GPR55: variants seen among roughly 807,000 people sequenced by gnomAD.
GPR55 encodes G protein-coupled receptor 55.
GPR55 carries 6 observed loss-of-function variants against 7.9 expected under a neutral mutation model. The ratio of observed to expected loss-of-function variants is 0.76; its 90% CI spans 0.41 to 1.49. The LOEUF (loss-of-function observed/expected upper bound fraction) is 1.49, where lower values mean the gene tolerates loss of function less well. GPR55 is among the 40% of genes most tolerant of loss of function. GPR55 has a pLI of 0.01. For synonymous variants in GPR55, 183 were observed against 166.8 expected, an observed-to-expected ratio of 1.10 and a Z score of -0.75; for missense variants, 376 against 406.0, an observed-to-expected ratio of 0.93 and a Z score of 0.63.
chr2:230,910,558 G>T lies in GPR55; in HGVS notation c.405C>A (p.Pro135=). 1.9e-6 allele frequency: 3 copies of T among 1,613,902 alleles called. No homozygotes were observed. Among genetic ancestry groups the T allele is most frequent in the Non-Finnish European group, 2.5e-6 (3 of 1,179,792 alleles). ...YPLLVSHLRS[P]RKIFGICCTI... The stretch of plus-strand genomic sequence containing the variant: ...TGCAGCAGATCCCAAAGATCTTCCT[G>T]GGGGACCGGAGGTGGCTCACCAGTA... The change falls in exon 2 of 2, where the codon CCC becomes CCA. Residue 135 remains proline (P), a synonymous_variant. Transcript: ENST00000650999. The surrounding 1 kb of genome is among the most constrained non-coding windows in gnomAD (Gnocchi z 5.4).
intron 1 of GPR55, among the ~76,000 whole-genome samples, chr2:230,919,888 G>A (rs1690795812): frequency 6.6e-6 from 1 of 151,572 alleles, no homozygotes; most frequent in Admixed American, 6.6e-5. Context: ...TTATGTTTAT[G>A]CTGACTATGT....
chr2:230,940,816 G>C (rs969141604), intron 1 of GPR55, among the ~76,000 whole-genome samples: 6 of 152,228 alleles, frequency 3.9e-5, no homozygotes, highest in Admixed American at 3.3e-4. Flanking sequence ...CTGCAGGGAG[G>C]AATTAAGAAG....
At chr2:230,938,326 T>C (rs1689176232) in intron 1 of GPR55, among the ~76,000 whole-genome samples, 1 of 150,534 alleles carries the variant, frequency 6.6e-6, no homozygotes, top group Admixed American at 6.6e-5. Context: ...TAAAAGATGA[T>C]GTAATACCTT....
At chr2:230,929,113 A>G (rs1229922586), upstream of GPR55, among the ~76,000 whole-genome samples, 1 of 152,104 alleles carries the variant, frequency 6.6e-6, no homozygotes, top group Non-Finnish European at 1.5e-5. Context: ...TCGGCCTCCC[A>G]AAGTGCTGGG....
intron 1 of GPR55, among the ~76,000 whole-genome samples, chr2:230,939,687 G>A (rs1213502840): frequency 6.6e-6 from 1 of 152,176 alleles, no homozygotes; most frequent in Non-Finnish European, 1.5e-5. Flanking sequence ...CACTGGAGAA[G>A]GGGGAGAGCC....
At chr2:230,925,778 A>G (rs1690932215), upstream of GPR55, among the ~76,000 whole-genome samples, 1 of 152,182 alleles carries the variant, frequency 6.6e-6, no homozygotes, top group Admixed American at 6.5e-5. Context: ...TGTGTCTGCA[A>G]GAATGGTCAG....
rs377712563 is a variant in GPR55 at position 230,910,090 on chromosome 2, G to A, written c.873C>T (p.Val291=). 1 of 1,614,118 alleles carries A rather than the reference G, an allele frequency of 6.2e-7. No homozygotes were observed. The highest frequency in any genetic ancestry group is 8.5e-7 in the Non-Finnish European group (1 of 1,179,980). The change falls in exon 2 of 2, where the codon GTC becomes GTT. Residue 291 remains valine (V), a synonymous_variant. Transcript: ENST00000650999. The surrounding 1 kb of genome is among the most constrained non-coding windows in gnomAD (Gnocchi z 5.4). ...CCLDVFCYYF[V]IKEFRMNIRA... ...TGATGTTCATGCGGAATTCTTTGATGACAAAGTAGTAGCAGAAAACATCCA... is the reference window on the plus strand; with the variant it reads ...TGATGTTCATGCGGAATTCTTTGATAACAAAGTAGTAGCAGAAAACATCCA...
At chr2:230,913,564 T>G (rs566345385) in intron 1 of GPR55, among the ~76,000 whole-genome samples, 1 of 152,300 alleles carries the variant, frequency 6.6e-6, no homozygotes, top group African/African-American at 2.4e-5. Context: ...AAATACTTCC[T>G]CTTATTCAAA....
At chr2:230,940,974 G>A (rs537653725) in intron 1 of GPR55, among the ~76,000 whole-genome samples, 3,698 of 152,200 alleles carry the variant, frequency 0.024, 138 homozygotes, top group African/African-American at 0.085. Context: ...AAAATTAGCC[G>A]GACGTGGCGG....
chr2:230,926,460 G>A (rs13401155), upstream of GPR55, among the ~76,000 whole-genome samples: 25 of 152,128 alleles, frequency 1.6e-4, no homozygotes, highest in Non-Finnish European at 3.5e-4. Context: ...ACTGGGCAAG[G>A]GGGGGCAGCC....
chr2:230,920,814 A>G (rs575895121), intron 1 of GPR55, among the ~76,000 whole-genome samples: 15 of 152,096 alleles, frequency 9.9e-5, no homozygotes, highest in Non-Finnish European at 1.5e-4. Context: ...ATAATATCAC[A>G]ATATAGAAAA....
chr2:230,950,963 G>A (rs1559180255), intron 1 of GPR55, among the ~76,000 whole-genome samples: 2 of 152,128 alleles, frequency 1.3e-5, no homozygotes, highest in African/African-American at 2.4e-5. Context: ...GCACACGGAG[G>A]TTCCTGGAAG....
In GPR55 at chr2:230,907,724, C is replaced by G. The variant is rs1429746948; in HGVS notation, c.*2279G>C. The stretch of plus-strand genomic sequence containing the variant: ...CCGTCCCTCCCTACATGATCAGGTC[C>G]TCTCAGCTGTCTAGAGCCCTTTCTG... On this transcript the variant is annotated 3_prime_UTR_variant, in exon 2 of 2. Transcript: ENST00000650999. 1 of 152,362 alleles carries G rather than the reference C, an allele frequency of 6.6e-6. No homozygotes were observed. Among genetic ancestry groups the G allele is most frequent in the Non-Finnish European group, 1.5e-5 (1 of 68,130 alleles). 9.4% of individuals were successfully genotyped at this position (152,362 alleles called of 1,614,324 possible).
chr2:230,917,376 A>AT (rs921708927), intron 1 of GPR55, among the ~76,000 whole-genome samples: 1 of 152,084 alleles, frequency 6.6e-6, no homozygotes, highest in African/African-American at 2.4e-5. Context: ...TAGGTAACCC[A>AT]TTTTTTTTCT....
intron 1 of GPR55, among the ~76,000 whole-genome samples, chr2:230,930,599 T>C (rs1029894606): frequency 2.0e-5 from 3 of 151,932 alleles, no homozygotes; most frequent in Non-Finnish European, 4.4e-5. Context: ...TGCAGACACG[T>C]GCCACCACGC....
intron 1 of GPR55, among the ~76,000 whole-genome samples, chr2:230,947,924 C>T (rs1691344823): frequency 6.6e-6 from 1 of 152,188 alleles, no homozygotes; most frequent in Non-Finnish European, 1.5e-5. Flanking sequence ...TGGCCCTGTC[C>T]TACCTAAGCA....
rs942117332 is a variant in GPR55, at chr2:230,909,173, C to G, written c.*830G>C. ...GCCGTCTCTCACTGTCTCTCTTCAC[C>G]CTGGGCCAGCACCAACACTCCGTGC... On this transcript the variant is annotated 3_prime_UTR_variant, in exon 2 of 2. Coordinates refer to ENST00000650999, the MANE Select transcript of GPR55 (RefSeq NM_005683.4). 1.3e-5 allele frequency: 2 copies of G among 152,456 alleles called. No individual in the cohort carries two copies. Among genetic ancestry groups the G allele is most frequent in the African/African-American group, 4.8e-5 (2 of 41,468 alleles). 9.4% of individuals were successfully genotyped at this position (152,456 alleles called of 1,614,324 possible).
upstream of GPR55, among the ~76,000 whole-genome samples, chr2:230,928,786 G>T (rs1441087458): frequency 6.6e-6 from 1 of 152,188 alleles, no homozygotes; most frequent in East Asian, 1.9e-4. Context: ...GAGAGAGGAA[G>T]GCAGGGGAAC....
At position 230,909,727 on chromosome 2, in the gene GPR55, C is replaced by A; in HGVS notation, c.*276G>T. ...CATGGTCTCATTCTCTTTCTCAATT[C>A]TTCTGCTCTATAGTTTTTGGACTTA... On this transcript the variant is annotated 3_prime_UTR_variant, in exon 2 of 2. Transcript: ENST00000650999. 2.6e-6 allele frequency: 1 copy of A among 383,084 alleles called. No homozygotes were observed. Among genetic ancestry groups the A allele is most frequent in the Non-Finnish European group, 4.7e-6 (1 of 211,926 alleles). The allele number at this position is 383,084 out of a possible 1,614,324, so 23.7% of individuals were successfully genotyped here.
Sources: allele counts gnomAD v4.1 joint callset (sites outside exome capture counted in the v4.1 genomes callset), GRCh38; gene constraint gnomAD v4.1.1; non-coding constraint Gnocchi (gnomAD v3.1); transcripts MANE v1.5; gene names NCBI Gene and HGNC (gene_info 2026-07-23, HGNC 2026-07-21).